Variants in PSMG2 observed in about 807,000 individuals in gnomAD.
PSMG2 encodes the protein CD40 ligand-activated specific transcript 3.
PSMG2 carries 21 observed loss-of-function variants against 31.5 expected under a neutral mutation model. The observed-to-expected ratio is 0.67, with a 90% confidence interval of 0.47 to 0.96. The LOEUF is 0.96. Ranked by LOEUF, PSMG2 falls within the 40% of genes least tolerant of loss-of-function variation. The pLI, the probability that PSMG2 is intolerant of heterozygous loss-of-function variation, is 0.00. For synonymous variants in PSMG2, 120 were observed against 110.4 expected (o/e 1.09, Z -0.54); for missense variants, 318 against 321.2 (o/e 0.99, Z 0.08).
At chr18:12,719,883 C>T (rs1439849330) in intron 4 of PSMG2, among the ~76,000 whole-genome samples, 1 of 150,692 alleles carries the variant, frequency 6.6e-6, no homozygotes, top group East Asian at 2.0e-4. Context: ...GCCACCACAC[C>T]CGGCTAATTT....
At chr18:12,709,148 C>T (rs931739017) in intron 2 of PSMG2, among the ~76,000 whole-genome samples, 2 of 150,276 alleles carry the variant, frequency 1.3e-5, no homozygotes, top group South Asian at 2.1e-4. Flanking sequence ...CGGGTTCAAG[C>T]GATTCTCCTG....
chr18:12,663,310 AG>A (rs1294443847), intron 1 of PSMG2: 1 of 152,176 alleles, frequency 6.6e-6, no homozygotes, highest in Admixed American at 6.6e-5. Context: ...CAGGCTCTTG[AG>A]GCCAAGGCTT....
chr18:12,686,217 A>T, intron 1 of PSMG2: 1 of 1,460,256 alleles, frequency 6.8e-7, no homozygotes, highest in Non-Finnish European at 9.4e-7. Context: ...AATTCAGAGT[A>T]ACTATGATAT....
At chr18:12,692,525 A>T (rs897640967) in intron 1 of PSMG2, among the ~76,000 whole-genome samples, 1 of 152,048 alleles carries the variant, frequency 6.6e-6, no homozygotes, top group African/African-American at 2.4e-5. Context: ...GCTCAGCCCC[A>T]ATCTTTGCAT....
intron 5 of PSMG2, among the ~76,000 whole-genome samples, chr18:12,723,120 C>T (rs1568046326): frequency 6.6e-6 from 1 of 152,176 alleles, no homozygotes; most frequent in Non-Finnish European, 1.5e-5. Context: ...CTGAGACTTC[C>T]GAATGTATAT....
chr18:12,674,795 A>G (rs2039063192), intron 1 of PSMG2: 1 of 1,321,980 alleles, frequency 7.6e-7, no homozygotes, highest in Non-Finnish European at 1.1e-6. Flanking sequence ...AAATACATTA[A>G]TATTTTTAAA....
At chr18:12,720,768 C>G in intron 5 of PSMG2, 85 bp downstream of exon 5, 2 of 1,341,792 alleles carry the variant, frequency 1.5e-6, no homozygotes, top group Non-Finnish European at 2.0e-6. Flanking sequence ...CCACTGCACT[C>G]TAGCCTGGGT....
At chr18:12,711,091 C>T (rs2145138630) in intron 2 of PSMG2, among the ~76,000 whole-genome samples, 1 of 152,158 alleles carries the variant, frequency 6.6e-6, no homozygotes, top group South Asian at 2.1e-4. Flanking sequence ...TAGAGCAAGA[C>T]TCTGTCTTAA....
chr18:12,710,237 C>A (rs1402533737), intron 2 of PSMG2, among the ~76,000 whole-genome samples: 2 of 152,128 alleles, frequency 1.3e-5, no homozygotes, highest in East Asian at 3.9e-4. Context: ...CCACCACGCC[C>A]GCCCCTTTTA....
chr18:12,673,217 A>G, intron 1 of PSMG2: 7 of 1,358,306 alleles, frequency 5.2e-6, no homozygotes, highest in Admixed American at 3.1e-5. Flanking sequence ...TTTTTTTTAA[A>G]CATTACCAGT....
Position 12,724,677 on chromosome 18 carries a change from C to T in PSMG2, c.702+58C>T, listed in dbSNP as rs753938325. The stretch of plus-strand genomic sequence containing the variant: ...GTCTGGTTGTATTCATTAACTCGCA[C>T]TTTATATACTACCTAAGTAGACCAA... On this transcript the variant is annotated intron_variant, in intron 6 of 6. Coordinates refer to ENST00000317615, the MANE Select transcript of PSMG2 (RefSeq NM_020232.5). 2.7e-6 allele frequency: 4 copies of T among 1,466,332 alleles called. No homozygotes were observed. The South Asian group carries it at 4.3e-5, about 16-fold the overall frequency. The allele number at this position is 1,466,332 out of a possible 1,614,324, so 90.8% of individuals were successfully genotyped here. A position where few individuals can be genotyped will look rare whatever the true frequency, so the allele number is the denominator to read the frequency against.
chr18:12,683,849 TAC>T (rs1221911735), intron 1 of PSMG2, among the ~76,000 whole-genome samples: 1 of 151,916 alleles, frequency 6.6e-6, no homozygotes, highest in Non-Finnish European at 1.5e-5. Context: ...AAAATTTATT[TAC>T]AATTATAATT....
upstream of PSMG2, chr18:12,700,368 T>G (rs1263518778): frequency 6.5e-6 from 1 of 152,702 alleles, no homozygotes; most frequent in African/African-American, 2.4e-5. Flanking sequence ...TATTGTATTA[T>G]GAAGTCCATC....
chr18:12,689,356 C>T (rs1681368699), intron 1 of PSMG2, among the ~76,000 whole-genome samples: 2 of 152,074 alleles, frequency 1.3e-5, no homozygotes, highest in African/African-American at 4.8e-5. Context: ...AAAGAGGTGG[C>T]ATAAACCAAA....
At chr18:12,709,649 C>T (rs1396261262) in intron 2 of PSMG2, among the ~76,000 whole-genome samples, 1 of 152,074 alleles carries the variant, frequency 6.6e-6, no homozygotes, top group Non-Finnish European at 1.5e-5. Context: ...CAGGTCCACG[C>T]CCCCACGCCC....
At chr18:12,678,355 A>C in intron 1 of PSMG2, 2 of 1,614,122 alleles carry the variant, frequency 1.2e-6, no homozygotes, top group Non-Finnish European at 1.7e-6. Flanking sequence ...GATGGTTGAA[A>C]ACACAACCAA....
chr18:12,677,979 A>G (rs1788039797), intron 1 of PSMG2: 2 of 657,832 alleles, frequency 3.0e-6, no homozygotes, highest in South Asian at 2.2e-5. Flanking sequence ...TATAAGCTTC[A>G]TAATAGTAGG....
At chr18:12,673,868 G>A (rs907848007) in intron 1 of PSMG2, among the ~76,000 whole-genome samples, 14 of 152,198 alleles carry the variant, frequency 9.2e-5, no homozygotes, top group East Asian at 3.9e-4. Context: ...GCGACAGACT[G>A]AGACTCCATC....
chr18:12,712,856 C>A (rs566739687), intron 3 of PSMG2, 96 bp downstream of exon 3: 5 of 902,152 alleles, frequency 5.5e-6, no homozygotes, highest in Non-Finnish European at 8.8e-6. Flanking sequence ...ACTGTTTTTA[C>A]CATATGTACA....
Sources: allele counts gnomAD v4.1 joint callset (sites outside exome capture counted in the v4.1 genomes callset), GRCh38; gene constraint gnomAD v4.1.1; transcripts MANE v1.5; gene names NCBI Gene and HGNC (gene_info 2026-07-23, HGNC 2026-07-21).